The following GPC3 variants were observed in gnomAD, a reference collection of about 807,000 sequenced individuals.
GPC3 encodes the protein glypican-3.
In GPC3, 3 loss-of-function variants were observed where a neutral mutation model predicts 34.4. The observed-to-expected ratio is 0.09, with a 90% CI of 0.04 to 0.23. The LOEUF (loss-of-function observed/expected upper bound fraction) is 0.23, where lower values mean the gene tolerates loss of function less well. Among genes scored for constraint, GPC3 ranks in the 10% least tolerant of loss-of-function variants. GPC3 has a pLI of 1.00. For missense variants in GPC3, 351 were observed against 445.6 expected (o/e 0.79, Z 1.91); for synonymous variants, 177 against 174.0 (o/e 1.02, Z -0.13).
chrX:133,676,353 A>G (rs964318710), intron 5 of GPC3, among the ~76,000 whole-genome samples: 3 of 112,476 alleles, frequency 2.7e-5, no homozygotes, highest in Admixed American at 9.4e-5. Flanking sequence ...GTGGAAGTGC[A>G]TGGCCATGGT....
At chrX:133,669,037 A>G (rs1373135781) in intron 5 of GPC3, among the ~76,000 whole-genome samples, 2 of 111,508 alleles carry the variant, frequency 1.8e-5, no homozygotes, top group Non-Finnish European at 3.8e-5. Flanking sequence ...GCCCTTTAAG[A>G]GCCCCTGGAG....
At chrX:133,674,607 T>A (rs1190325822) in intron 5 of GPC3, among the ~76,000 whole-genome samples, 1 of 111,059 alleles carries the variant, frequency 9.0e-6, no homozygotes, top group African/African-American at 3.3e-5. Context: ...CGGCTCAAAA[T>A]TAATTTTAGT....
intron 2 of GPC3, among the ~76,000 whole-genome samples, chrX:133,791,847 TCCTC>T (rs1172993069): frequency 4.1e-4 from 26 of 63,887 alleles, no homozygotes; most frequent in Admixed American, 9.2e-4. Context: ...CTTCCTTCCT[TCCTC>T]CCTCCCTCCC....
chrX:133,854,806 C>T (rs2075892105), intron 2 of GPC3, among the ~76,000 whole-genome samples: 1 of 112,202 alleles, frequency 8.9e-6, no homozygotes, highest in Non-Finnish European at 1.9e-5. Flanking sequence ...CTCTTATACA[C>T]TGCTAGTGAA....
At chrX:133,897,826 G>A (rs2076125392) in intron 2 of GPC3, among the ~76,000 whole-genome samples, 1 of 111,831 alleles carries the variant, frequency 8.9e-6, no homozygotes, top group African/African-American at 3.2e-5. Flanking sequence ...TCCTAATCCA[G>A]ACATTGAAAC....
At chrX:133,839,859 C>T (rs1225768832) in intron 2 of GPC3, among the ~76,000 whole-genome samples, 1 of 98,145 alleles carries the variant, frequency 1.0e-5, no homozygotes, top group Non-Finnish European at 2.0e-5. Flanking sequence ...ACCCAGGAGG[C>T]GGAGCTTGCA....
chrX:133,926,890 C>T (rs2076277423), intron 2 of GPC3, among the ~76,000 whole-genome samples: 1 of 107,976 alleles, frequency 9.3e-6, no homozygotes, highest in Admixed American at 1.0e-4. Context: ...GGGCCTGGAG[C>T]TTGGTGTTCC....
chrX:133,959,994 A>G (rs1302850266), intron 1 of GPC3, among the ~76,000 whole-genome samples: 1 of 111,729 alleles, frequency 9.0e-6, no homozygotes, highest in African/African-American at 3.3e-5. Flanking sequence ...CTTTTAAAAT[A>G]TGTGATATAG....
At chrX:133,650,445 CCACA>C (rs374714784) in intron 6 of GPC3, among the ~76,000 whole-genome samples, 1 of 93,824 alleles carries the variant, frequency 1.1e-5, no homozygotes, top group African/African-American at 3.9e-5. Context: ...TTAAACACAC[CCACA>C]CACCCACCCA....
intron 5 of GPC3, among the ~76,000 whole-genome samples, chrX:133,671,952 C>T (rs1478556693): frequency 9.0e-6 from 1 of 111,678 alleles, no homozygotes; most frequent in Admixed American, 9.6e-5. Context: ...TAGCCATTAG[C>T]TATATGAGGG....
chrX:133,850,167 AT>A (rs1172211369), intron 2 of GPC3, among the ~76,000 whole-genome samples: 1 of 53,496 alleles, frequency 1.9e-5, no homozygotes, highest in Non-Finnish European at 3.5e-5. Flanking sequence ...TTTGTGGGGT[AT>A]TTTTTTTGTT....
intron 6 of GPC3, among the ~76,000 whole-genome samples, chrX:133,637,503 T>G (rs2070440353): frequency 9.0e-6 from 1 of 111,552 alleles, no homozygotes. Flanking sequence ...GCTAGGAAGT[T>G]CACTTGTGGG....
chrX:133,780,479 C>T (rs1023248283), intron 2 of GPC3, among the ~76,000 whole-genome samples: 2 of 111,389 alleles, frequency 1.8e-5, no homozygotes, highest in African/African-American at 3.3e-5. Context: ...TTAAAAGAAA[C>T]GATTTGTGTC....
At chrX:133,716,326 C>G in intron 3 of GPC3, among the ~76,000 whole-genome samples, 1 of 112,028 alleles carries the variant, frequency 8.9e-6, no homozygotes, top group African/African-American at 3.2e-5. Flanking sequence ...CAGACACTGT[C>G]TCTCAGGAAG....
chrX:133,718,924 C>A (rs1447429557), intron 3 of GPC3, among the ~76,000 whole-genome samples: 4 of 111,603 alleles, frequency 3.6e-5, no homozygotes, highest in Non-Finnish European at 7.5e-5. Flanking sequence ...CATATATGTA[C>A]ATGAGCCCAA....
At chrX:133,695,489 T>C (rs1986632674) in intron 4 of GPC3, among the ~76,000 whole-genome samples, 1 of 111,853 alleles carries the variant, frequency 8.9e-6, no homozygotes, top group Non-Finnish European at 1.9e-5. Context: ...AAATATGTCT[T>C]AGAGAAAGAG....
intron 6 of GPC3, among the ~76,000 whole-genome samples, chrX:133,605,823 G>A (rs2070044606): frequency 9.0e-6 from 1 of 111,517 alleles, no homozygotes; most frequent in Non-Finnish European, 1.9e-5. Context: ...AATTTTTGTG[G>A]GTCTGGGAAA....
In GPC3 at chrX:133,911,149, A is replaced by C. The variant is rs145645753; in HGVS notation, c.337+41901T>G. The stretch of plus-strand genomic sequence containing the variant: ...ATTTCTGTGACCTTCTTTGCAAATT[A>C]GATTTTGCTCTGATCAAACTTTTAT... On this transcript the variant is annotated intron_variant, in intron 2 of 7. Coordinates refer to ENST00000370818, the MANE Select transcript of GPC3 (RefSeq NM_004484.4). 5.3e-3 allele frequency among the ~76,000 whole-genome samples: 597 copies of C among 112,743 alleles called. 5 individuals carry two copies. Among genetic ancestry groups the C allele is most frequent in the African/African-American group, 0.018 (563 of 31,096 alleles).
At chrX:133,567,372 G>T (rs761071123) in intron 7 of GPC3, among the ~76,000 whole-genome samples, 1 of 112,261 alleles carries the variant, frequency 8.9e-6, no homozygotes, top group Admixed American at 9.4e-5. Flanking sequence ...TAAAATTATG[G>T]CTAAATTTCT....
Sources: allele counts gnomAD v4.1 joint callset (sites outside exome capture counted in the v4.1 genomes callset), GRCh38; gene constraint gnomAD v4.1.1; transcripts MANE v1.5; gene names NCBI Gene and HGNC (gene_info 2026-07-23, HGNC 2026-07-21).